FAM193A: variants seen among roughly 807,000 people sequenced by gnomAD.
FAM193A encodes protein FAM193A.
FAM193A carries 22 observed loss-of-function variants against 126.5 expected under a neutral mutation model. The observed-to-expected ratio is 0.17, with a 90% CI of 0.12 to 0.25. The LOEUF (loss-of-function observed/expected upper bound fraction) is 0.25. FAM193A is among the 10% of genes least tolerant of loss of function. The probability of loss-of-function intolerance (pLI) is 1.00; values close to 1 mark genes in which losing one functional copy is unlikely to be tolerated. For synonymous variants in FAM193A, 761 were observed against 646.8 expected (o/e 1.18, Z -2.68); for missense variants, 1,675 against 1,672.8 (o/e 1.00, Z -0.02).
At chr4:2,597,327 TTTTC>T (rs1440396580) in intron 2 of FAM193A, among the ~76,000 whole-genome samples, 1 of 152,228 alleles carries the variant, frequency 6.6e-6, no homozygotes, top group Non-Finnish European at 1.5e-5. Flanking sequence ...ATTTTTATGG[TTTTC>T]TTTGTGTGGT....
intron 1 of FAM193A, among the ~76,000 whole-genome samples, chr4:2,572,447 G>GT (rs1739348462): frequency 6.6e-6 from 1 of 152,172 alleles, no homozygotes; most frequent in Admixed American, 6.5e-5. Flanking sequence ...TGGCCCCACA[G>GT]TGCTCGCTGC....
Position 2,705,525 on chromosome 4 carries a change from A to T in FAM193A, c.4372+4981A>T, listed in dbSNP as rs185030979. ...ATTTTTCTTCTCTGTGGTGTGAAAT[A>T]TGGATCCAATTTCTCTTTTTCCAAA... On this transcript the variant is annotated intron_variant, in intron 19 of 20. Coordinates refer to ENST00000637812, the MANE Select transcript of FAM193A (RefSeq NM_001366318.2). Among the ~76,000 whole-genome samples the T allele has an allele frequency of 3.9e-4, 59 of 151,734 alleles. 1 individual carries two copies. The Middle Eastern group carries it at 0.01, about 26-fold the overall frequency.
intron 20 of FAM193A, among the ~76,000 whole-genome samples, chr4:2,718,833 A>G (rs1206745772): frequency 6.6e-6 from 1 of 152,212 alleles, no homozygotes; most frequent in Non-Finnish European, 1.5e-5. Context: ...CTTCATTACA[A>G]TTGACTTTAA....
rs181286565 is a variant in FAM193A, at chr4:2,570,410, G to A, written c.256-25674G>A. 3.2e-3 allele frequency among the ~76,000 whole-genome samples: 480 copies of A among 152,254 alleles called. 3 individuals carry two copies. The highest frequency in any genetic ancestry group is 3.8e-3 in the Non-Finnish European group (261 of 68,018). On this transcript the variant is annotated intron_variant, in intron 1 of 20. Coordinates refer to ENST00000637812, the MANE Select transcript of FAM193A (RefSeq NM_001366318.2). ...TGTGCTAAAGAAGCAACTCTAAATC[G>A]CTGCAGTGAGCTTTGGTGACATGGC...
chr4:2,565,322 C>T lies in FAM193A; in HGVS notation c.255+28152C>T, dbSNP rs1396630384. 3.2e-5 allele frequency among the ~76,000 whole-genome samples: 4 copies of T among 123,192 alleles called. No individual in the cohort carries two copies. The South Asian group carries it at 8.5e-4, about 26-fold the overall frequency. 80.8% of individuals were successfully genotyped at this position (123,192 alleles called of 152,430 possible). A position where few individuals can be genotyped will look rare whatever the true frequency, so the allele number is the denominator to read the frequency against. On this transcript the variant is annotated intron_variant, in intron 1 of 20. Transcript: ENST00000637812. Reference sequence around the variant, plus strand: ...GTCGCCAGGCTGGAGTGCAGTGGTGCGATTTCAGTTTACTACATCCTCTGC... The same window carrying T: ...GTCGCCAGGCTGGAGTGCAGTGGTGTGATTTCAGTTTACTACATCCTCTGC...
Position 2,731,196 on chromosome 4 carries a change from CAA to C in FAM193A, c.4455-552_4455-551del, listed in dbSNP as rs546217602. ...GGATGACAAGAGCGAAACTCCTTCTCAAAAAAAAAAAAAAAAAAAAAAAAAAA... is the reference window on the plus strand; with the variant it reads ...GGATGACAAGAGCGAAACTCCTTCTCAAAAAAAAAAAAAAAAAAAAAAAAA... On this transcript the variant is annotated intron_variant, in intron 20 of 20. Coordinates refer to ENST00000637812, the MANE Select transcript of FAM193A (RefSeq NM_001366318.2). 8.7e-3 allele frequency among the ~76,000 whole-genome samples: 757 copies of C among 86,726 alleles called. 5 individuals are homozygous for C. Among genetic ancestry groups the C allele is most frequent in the African/African-American group, 0.043 (710 of 16,380 alleles). The allele number at this position is 86,726 out of a possible 152,430, so 56.9% of individuals were successfully genotyped here.
At chr4:2,661,044 T>C (rs908404126) in intron 10 of FAM193A, among the ~76,000 whole-genome samples, 7 of 148,944 alleles carry the variant, frequency 4.7e-5, no homozygotes, top group African/African-American at 1.7e-4. Flanking sequence ...CTAATGAAAA[T>C]TTAAGATGGA....
At position 2,596,248 on chromosome 4, in the gene FAM193A, G is replaced by A; in HGVS notation, c.420G>A (p.Leu140=). The A allele has an allele frequency of 1.4e-6, 1 of 703,002 alleles. No individual in the cohort carries two copies. Among genetic ancestry groups the A allele is most frequent in the Non-Finnish European group, 2.6e-6 (1 of 385,012 alleles). 43.5% of individuals were successfully genotyped at this position (703,002 alleles called of 1,614,324 possible). Residue 140 remains leucine (L), a synonymous_variant, in exon 2 of 21, where the codon CTG becomes CTA. Transcript: ENST00000637812. ...LSMAPKGNSV[L]HLPLWVCPDC... ...TGGCTCCCAAGGGCAACAGCGTGCT[G>A]CACCTGCCACTGTGGGTGTGCCCGG...
intron 1 of FAM193A, among the ~76,000 whole-genome samples, chr4:2,548,722 G>T (rs550852132): frequency 3.9e-5 from 6 of 151,958 alleles, no homozygotes; most frequent in African/African-American, 1.4e-4. Context: ...CTCCCAAAGT[G>T]CTGGGATTAT....
intron 19 of FAM193A, among the ~76,000 whole-genome samples, chr4:2,711,110 C>G (rs1156453326): frequency 6.6e-6 from 1 of 152,114 alleles, no homozygotes; most frequent in Non-Finnish European, 1.5e-5. Flanking sequence ...CCTTGGCCTC[C>G]CAAAGTGCTG....
chr4:2,639,635 TG>T, intron 5 of FAM193A, 99 bp from the exon 6 acceptor site: 7 of 674,268 alleles, frequency 1.0e-5, no homozygotes, highest in East Asian at 3.6e-5. Flanking sequence ...GTGTGCGTGG[TG>T]GGGGGAAATG....
intron 8 of FAM193A, among the ~76,000 whole-genome samples, chr4:2,659,160 T>A (rs1208767512): frequency 6.6e-6 from 1 of 152,166 alleles, no homozygotes; most frequent in Admixed American, 6.5e-5. Context: ...TGTTAGAAGT[T>A]GAGGTGCCAT....
At chr4:2,613,738 G>A (rs1019578511) in intron 2 of FAM193A, among the ~76,000 whole-genome samples, 1 of 149,596 alleles carries the variant, frequency 6.7e-6, no homozygotes. Flanking sequence ...ACAGGCATGA[G>A]CCACCATACC....
At chr4:2,588,290 G>T (rs188228286) in intron 1 of FAM193A, among the ~76,000 whole-genome samples, 1 of 152,320 alleles carries the variant, frequency 6.6e-6, no homozygotes, top group Admixed American at 6.5e-5. Context: ...AAGTTCTGGT[G>T]CCTCTTTACC....
At chr4:2,657,614 T>G (rs1711868490) in intron 7 of FAM193A, among the ~76,000 whole-genome samples, 189 bp from the exon 8 acceptor site, 1 of 152,220 alleles carries the variant, frequency 6.6e-6, no homozygotes, top group Admixed American at 6.5e-5. Flanking sequence ...AAAGTACTTG[T>G]GATGAGTTTG....
Position 2,696,305 on chromosome 4 carries a change from G to A in FAM193A, c.3277-58G>A. ...CAGTTTATTTTTGGAGGTGTGGTCTGAAATTTATTATATTCAAAATTTTTA... is the reference window on the plus strand; with the variant it reads ...CAGTTTATTTTTGGAGGTGTGGTCTAAAATTTATTATATTCAAAATTTTTA... On this transcript the variant is annotated intron_variant, in intron 17 of 20. Transcript: ENST00000637812. The A allele has an allele frequency of 3.3e-6, 4 of 1,211,322 alleles. No individual in the cohort carries two copies. The Middle Eastern group carries it at 8.0e-4, about 243-fold the overall frequency. The allele number at this position is 1,211,322 out of a possible 1,614,324, so 75.0% of individuals were successfully genotyped here.
At chr4:2,701,712 C>T (rs564782756) in intron 19 of FAM193A, among the ~76,000 whole-genome samples, 64 of 151,918 alleles carry the variant, frequency 4.2e-4, no homozygotes, top group African/African-American at 6.8e-4. Context: ...GAACATTCAC[C>T]GACTAGTTGT....
upstream of FAM193A, among the ~76,000 whole-genome samples, chr4:2,536,155 G>A (rs1736858784): frequency 6.6e-6 from 1 of 151,504 alleles, no homozygotes; most frequent in African/African-American, 2.4e-5. Flanking sequence ...GCGGACAGGG[G>A]CGCGGGCGAG....
At chr4:2,722,140 C>T (rs1289430079) in intron 20 of FAM193A, among the ~76,000 whole-genome samples, 1 of 152,224 alleles carries the variant, frequency 6.6e-6, no homozygotes, top group Non-Finnish European at 1.5e-5. Context: ...CCACGGTTAG[C>T]AGTGTCAGGT....
Sources: gnomAD v4.1 joint callset for allele counts (sites outside exome capture counted in the v4.1 genomes callset) on GRCh38, gnomAD v4.1.1 for gene constraint, MANE v1.5 for transcripts, NCBI Gene and HGNC (gene_info 2026-07-23, HGNC 2026-07-21) for gene names.